Variants in CIITA observed in about 807,000 individuals in gnomAD.
The protein encoded by CIITA is MHC class II transactivator.
Under a neutral mutation model 115.1 loss-of-function variants are expected in CIITA, and 72 were observed. The observed-to-expected ratio is 0.63, with a 90% CI of 0.52 to 0.76. The LOEUF is 0.76. Among genes scored for constraint, CIITA ranks in the 30% least tolerant of loss-of-function variants. The pLI, the probability that CIITA is intolerant of heterozygous loss-of-function variation, is 0.00. For synonymous variants in CIITA, 763 were observed against 635.6 expected, an observed-to-expected ratio of 1.20 and a Z score of -3.02; for missense variants, 1,617 against 1,463.8, an observed-to-expected ratio of 1.10 and a Z score of -1.71.
At chr16:10,914,481 C>T (rs1024028731) in intron 13 of CIITA, among the ~76,000 whole-genome samples, 2 of 152,152 alleles carry the variant, frequency 1.3e-5, no homozygotes, top group African/African-American at 4.8e-5. Flanking sequence ...CAACAAAATA[C>T]CCACTGCTGG....
upstream of CIITA, chr16:10,877,150 TG>T (rs2035902756): frequency 8.9e-6 from 6 of 672,732 alleles, no homozygotes; most frequent in Admixed American, 8.6e-5. Context: ...ATCCCTCACT[TG>T]TTTCTTTGCA....
chr16:10,942,431 A>C lies in CIITA; in HGVS notation n.1557A>C. ...CCGCGCCCCCGCAGGCCCAGCACCC[A>C]TGGCTGCGGCCGCCGCGTAGCCCTC... On this transcript the variant is annotated non_coding_transcript_exon_variant, in exon 2 of 2. Transcript: ENST00000573379. This position sits in a 1 kb window ranked among gnomAD's most constrained non-coding sequence, Gnocchi z 5.0. 1 of 154,700 alleles carries C rather than the reference A, an allele frequency of 6.5e-6. No individual in the cohort carries two copies. The allele number at this position is 154,700 out of a possible 1,614,324, so 9.6% of individuals were successfully genotyped here.
At chr16:10,875,223 G>C (rs1293718971), upstream of CIITA, among the ~76,000 whole-genome samples, 1 of 151,992 alleles carries the variant, frequency 6.6e-6, no homozygotes, top group East Asian at 1.9e-4. Flanking sequence ...CCTCCCAAAG[G>C]ACTAGGATTA....
intron 11 of CIITA, chr16:10,908,804 C>A: frequency 1.5e-6 from 1 of 645,708 alleles, no homozygotes; most frequent in Non-Finnish European, 2.7e-6. Context: ...TAGCAGTGAG[C>A]TTCCTGGTAG....
chr16:10,900,597 A>G (rs965009352), intron 5 of CIITA, among the ~76,000 whole-genome samples: 36 of 152,094 alleles, frequency 2.4e-4, no homozygotes, highest in East Asian at 9.7e-4. Flanking sequence ...AAAATTAGCC[A>G]GGCGTGGTGG....
At chr16:10,906,097 G>A (rs985166044) in intron 10 of CIITA, among the ~76,000 whole-genome samples, 1 of 152,004 alleles carries the variant, frequency 6.6e-6, no homozygotes, top group Non-Finnish European at 1.5e-5. Flanking sequence ...GGAGGCTGAG[G>A]TGGGAGGATT....
At chr16:10,902,291 A>C in intron 7 of CIITA, 107 bp downstream of exon 7, 1 of 1,462,442 alleles carries the variant, frequency 6.8e-7, no homozygotes, top group Non-Finnish European at 9.3e-7. Context: ...CCTCTCCCCA[A>C]CCCTATCAGT....
intron 1 of CIITA, among the ~76,000 whole-genome samples, chr16:10,889,770 C>T (rs1044962816): frequency 6.6e-6 from 1 of 152,132 alleles, no homozygotes; most frequent in Non-Finnish European, 1.5e-5. Context: ...CTGCCTGCCT[C>T]GGCCTCCCAC....
intron 1 of CIITA, among the ~76,000 whole-genome samples, chr16:10,871,770 G>A (rs898691496): frequency 2.6e-5 from 4 of 152,194 alleles, no homozygotes; most frequent in African/African-American, 9.7e-5. Flanking sequence ...CAGGGAGGGG[G>A]ATGTGTTGGC....
In CIITA at chr16:10,877,291, C is replaced by T. The variant is rs555126629; in HGVS notation, c.-40C>T. 6.2e-7 allele frequency: 1 copy of T among 1,604,074 alleles called. No individual in the cohort carries two copies. The highest frequency in any genetic ancestry group is 1.1e-5 in the South Asian group (1 of 89,622). On this transcript the variant is annotated 5_prime_UTR_variant, in exon 1 of 20. Transcript: ENST00000324288. Reference sequence around the variant, plus strand: ...AGCTGAGGGCACGAGGAGGGGCTGCCAGACTCCGGGAGCTGCTGCCTGGCT... The same window carrying T: ...AGCTGAGGGCACGAGGAGGGGCTGCTAGACTCCGGGAGCTGCTGCCTGGCT...
Position 10,902,717 on chromosome 16 carries a change from G to C in CIITA, c.688G>C (p.Val230Leu). 1 of 1,614,196 alleles carries C rather than the reference G, an allele frequency of 6.2e-7. No homozygotes were observed. The highest frequency in any genetic ancestry group is 8.5e-7 in the Non-Finnish European group (1 of 1,180,030). Residue 230 changes from valine to leucine, a missense_variant, in exon 8 of 20, where the codon GTC becomes CTC. Coordinates refer to ENST00000324288, the MANE Select transcript of CIITA (RefSeq NM_000246.4). ...LNLPEGPIQF[V>L]PTISTLPHGL... Reference sequence around the variant, plus strand: ...TCTCCCTGAGGGACCCATCCAGTTTGTCCCCACCATCTCCACTCTGCCCCA... The same window carrying C: ...TCTCCCTGAGGGACCCATCCAGTTTCTCCCCACCATCTCCACTCTGCCCCA...
chr16:10,882,405 C>G (rs940253348), intron 1 of CIITA, among the ~76,000 whole-genome samples: 5 of 152,034 alleles, frequency 3.3e-5, no homozygotes, highest in African/African-American at 1.2e-4. Context: ...CAGAGGGCAG[C>G]TGAAAGACTT....
chr16:10,889,316 G>A (rs553604749), intron 1 of CIITA, among the ~76,000 whole-genome samples: 1 of 152,158 alleles, frequency 6.6e-6, no homozygotes, highest in Admixed American at 6.5e-5. Flanking sequence ...AAGGTCCCAT[G>A]CCAAGATTCA....
At position 10,907,455 on chromosome 16, in the gene CIITA, G is replaced by T; in HGVS notation, c.1963G>T (p.Gly655Trp). 1 of 1,613,224 alleles carries T rather than the reference G, an allele frequency of 6.2e-7. No homozygotes were observed. ...LGRAALDSPPGALAELAKLAW... is the reference protein window; with the variant it reads ...LGRAALDSPPWALAELAKLAW... Reference sequence around the variant, plus strand: ...CCGTGCAGCCCTCGACAGCCCCCCCGGGGCCCTGGCAGAGCTGGCCAAGCT... The same window carrying T: ...CCGTGCAGCCCTCGACAGCCCCCCCTGGGCCCTGGCAGAGCTGGCCAAGCT... The change falls in exon 11 of 20, where the codon GGG (glycine) becomes TGG (tryptophan). Residue 655 changes from glycine to tryptophan, a missense_variant. By Grantham distance (184) the Gly-to-Trp change is radical. Transcript: ENST00000324288. This position sits in a 1 kb window ranked among gnomAD's most constrained non-coding sequence, Gnocchi z 5.0.
intron 1 of CIITA, among the ~76,000 whole-genome samples, chr16:10,881,395 AAGGGGCATTAGTT>A (rs2036418620): frequency 6.6e-6 from 1 of 152,176 alleles, no homozygotes; most frequent in African/African-American, 2.4e-5. Context: ...ACAGTTCAGA[AAGGGGCATTAGTT>A]ACCACCGATT....
At chr16:10,892,021 G>A (rs763163008) in intron 1 of CIITA, among the ~76,000 whole-genome samples, 4 of 152,126 alleles carry the variant, frequency 2.6e-5, no homozygotes, top group South Asian at 2.1e-4. Flanking sequence ...CTGTGGATGC[G>A]TGAAAGAAAA....
intron 12 of CIITA, among the ~76,000 whole-genome samples, 157 bp from the exon 13 acceptor site, chr16:10,910,031 A>G (rs2039449996): frequency 7.5e-6 from 1 of 133,204 alleles, no homozygotes; most frequent in Non-Finnish European, 1.7e-5. Context: ...CACCGCACCC[A>G]GACAGATCTT....
At chr16:10,941,338 T>C (rs895810595), downstream of CIITA, 3 of 197,282 alleles carry the variant, frequency 1.5e-5, no homozygotes, top group Non-Finnish European at 3.0e-5. This position sits in a 1 kb window ranked among gnomAD's most constrained non-coding sequence, Gnocchi z 6.4. Context: ...AAATGTAACT[T>C]AGTCTCGGGG....
rs1255496928 is a variant in CIITA, at chr16:10,929,639, C to T, written c.*5784C>T. The T allele has an allele frequency of 2.0e-5, 18 of 906,402 alleles. No individual in the cohort carries two copies. Among genetic ancestry groups the T allele is most frequent in the Non-Finnish European group, 2.4e-5 (18 of 757,948 alleles). The allele number at this position is 906,402 out of a possible 1,614,324, so 56.1% of individuals were successfully genotyped here. On this transcript the variant is annotated 3_prime_UTR_variant, in exon 20 of 20. Transcript: ENST00000324288. The surrounding 1 kb of genome is among the most constrained non-coding windows in gnomAD (Gnocchi z 4.3). Reference sequence around the variant, plus strand: ...GGTTGGCTGGGGACAGGGACCAATCCACCAGGCTCGGGAGGCTTGGGGTGG... The same window carrying T: ...GGTTGGCTGGGGACAGGGACCAATCTACCAGGCTCGGGAGGCTTGGGGTGG...
Sources: allele counts gnomAD v4.1 joint callset (sites outside exome capture counted in the v4.1 genomes callset), GRCh38; gene constraint gnomAD v4.1.1; non-coding constraint Gnocchi (gnomAD v3.1); transcripts MANE v1.5; gene names NCBI Gene and HGNC (gene_info 2026-07-23, HGNC 2026-07-21).